The following SLCO3A1 variants were observed in gnomAD, a reference collection of about 807,000 sequenced individuals.
SLCO3A1 encodes the protein solute carrier organic anion transporter family member 3A1, also known as PGE1 transporter.
SLCO3A1 carries 27 observed loss-of-function variants against 63.1 expected under a neutral mutation model. The ratio of observed to expected loss-of-function variants is 0.43; its 90% CI spans 0.32 to 0.59. The LOEUF (loss-of-function observed/expected upper bound fraction) is 0.59. SLCO3A1 is among the 20% of genes least tolerant of loss of function. The pLI is 0.09. For missense variants in SLCO3A1, 773 were observed against 945.8 expected (o/e 0.82, Z 2.40); for synonymous variants, 473 against 409.9 (o/e 1.15, Z -1.86).
intron 2 of SLCO3A1, among the ~76,000 whole-genome samples, chr15:91,924,729 T>C (rs941743681): frequency 1.3e-5 from 2 of 152,186 alleles, no homozygotes; most frequent in African/African-American, 4.8e-5. Context: ...ACTGACACCT[T>C]GCTTACTGCC....
At chr15:92,157,205 A>G (rs1259604041) in intron 9 of SLCO3A1, 1 of 152,228 alleles carries the variant, frequency 6.6e-6, no homozygotes, top group African/African-American at 2.4e-5. Context: ...GAACCCTATT[A>G]ACACCTGCTT....
intron 2 of SLCO3A1, among the ~76,000 whole-genome samples, chr15:91,962,479 C>CA (rs35274991): frequency 0.36 from 29,296 of 81,572 alleles, 4,356 homozygotes; most frequent in East Asian, 0.4. Context: ...AACTCCGTCT[C>CA]AAAAAAAAAA....
chr15:92,059,045 G>C (rs923952272), intron 2 of SLCO3A1, among the ~76,000 whole-genome samples: 6 of 152,172 alleles, frequency 3.9e-5, no homozygotes, highest in African/African-American at 7.2e-5. Flanking sequence ...GGTTGGAGCA[G>C]TATCTGTTTG....
intron 2 of SLCO3A1, among the ~76,000 whole-genome samples, chr15:92,002,716 C>T (rs571038035): frequency 3.9e-5 from 6 of 152,262 alleles, no homozygotes; most frequent in African/African-American, 1.4e-4. Flanking sequence ...GGGCAGGAGA[C>T]TCACTTTTTA....
chr15:92,167,353 A>T (rs1362094068), downstream of SLCO3A1, among the ~76,000 whole-genome samples: 1 of 152,216 alleles, frequency 6.6e-6, no homozygotes, highest in African/African-American at 2.4e-5. Context: ...GTTCCCCCTT[A>T]GGTTAGAATC....
chr15:91,932,655 C>T (rs1567192479), intron 2 of SLCO3A1, among the ~76,000 whole-genome samples: 1 of 152,308 alleles, frequency 6.6e-6, no homozygotes, highest in Admixed American at 6.5e-5. Context: ...GTTGGCCAGG[C>T]TGGTCTCAAA....
chr15:92,102,073 C>G (rs1353341435), intron 3 of SLCO3A1, among the ~76,000 whole-genome samples: 1 of 152,140 alleles, frequency 6.6e-6, no homozygotes, highest in African/African-American at 2.4e-5. Flanking sequence ...TAGGATTTCT[C>G]TCTCTTTACC....
At position 91,916,329 on chromosome 15, in the gene SLCO3A1, A is replaced by G; in HGVS notation, c.517A>G (p.Thr173Ala). The G allele has an allele frequency of 1.9e-6, 3 of 1,603,782 alleles. No individual in the cohort carries two copies. The highest frequency in any genetic ancestry group is 2.6e-6 in the Non-Finnish European group (3 of 1,175,478). The change falls in exon 2 of 10, where the codon ACC becomes GCC. Residue 173 changes from threonine (T) to alanine (A), a missense_variant. By Grantham distance (58) the Thr-to-Ala change is moderately conservative. Around this residue, in one of 3 missense-constraint regions of SLCO3A1, gnomAD observed 565 missense variants for 749.8 expected, o/e 0.75. Transcript: ENST00000318445. The surrounding 1 kb of genome is among the most constrained non-coding windows in gnomAD (Gnocchi z 6.2). ...PDLICRNRTA[T>A]NMMYLLLIGA... ...CCTCATCTGCCGCAACCGGACGGCT[A>G]CCAACATGATGTACTTGCTGCTCAT...
intron 2 of SLCO3A1, among the ~76,000 whole-genome samples, chr15:92,085,966 G>A (rs765862053): frequency 6.6e-6 from 1 of 152,228 alleles, no homozygotes; most frequent in Non-Finnish European, 1.5e-5. Flanking sequence ...TAGATGATCT[G>A]TTTTCTTTGC....
chr15:92,049,493 A>C (rs1290758490), intron 2 of SLCO3A1, among the ~76,000 whole-genome samples: 1 of 152,146 alleles, frequency 6.6e-6, no homozygotes, highest in Non-Finnish European at 1.5e-5. Context: ...AACGGAGGCC[A>C]ATTCTGCCCA....
At chr15:91,920,674 G>GT (rs917189112) in intron 2 of SLCO3A1, among the ~76,000 whole-genome samples, 5 of 152,148 alleles carry the variant, frequency 3.3e-5, no homozygotes, top group Non-Finnish European at 7.4e-5. Context: ...CATTCATTCT[G>GT]TTTTTTGAAC....
At chr15:92,147,613 C>A (rs541930930) in intron 8 of SLCO3A1, among the ~76,000 whole-genome samples, 2 of 152,222 alleles carry the variant, frequency 1.3e-5, no homozygotes, top group East Asian at 1.9e-4. Flanking sequence ...GGAGCAGGAC[C>A]CACTGAGACC....
intron 2 of SLCO3A1, among the ~76,000 whole-genome samples, chr15:92,034,350 T>C (rs997388686): frequency 5.0e-5 from 5 of 100,378 alleles, no homozygotes; most frequent in Non-Finnish European, 7.5e-5. Context: ...GAGAGCAGGC[T>C]GGGGTGGGGT....
rs1385333281 is a variant in SLCO3A1 at position 91,948,014 on chromosome 15, G to T, written c.646+31556G>T. ...GAATTGTTTATCCTCCCAACTAGGTGTTCCAGCAGGGCCGTGGGAGCAGAA... is the reference window on the plus strand; with the variant it reads ...GAATTGTTTATCCTCCCAACTAGGTTTTCCAGCAGGGCCGTGGGAGCAGAA... On this transcript the variant is annotated intron_variant, in intron 2 of 9. Coordinates refer to ENST00000318445, the MANE Select transcript of SLCO3A1 (RefSeq NM_013272.4). The surrounding 1 kb of genome is among the most constrained non-coding windows in gnomAD (Gnocchi z 4.8). Among the ~76,000 whole-genome samples the T allele has an allele frequency of 1.7e-4, 26 of 152,182 alleles. No homozygotes were observed.
At chr15:92,066,253 G>A (rs2047149717) in intron 2 of SLCO3A1, among the ~76,000 whole-genome samples, 1 of 152,234 alleles carries the variant, frequency 6.6e-6, no homozygotes. Flanking sequence ...CTCATAGGAT[G>A]CCCTCAGGCT....
intron 2 of SLCO3A1, among the ~76,000 whole-genome samples, chr15:92,013,513 G>A (rs563051469): frequency 6.6e-6 from 1 of 152,134 alleles, no homozygotes; most frequent in African/African-American, 2.4e-5. Flanking sequence ...TGATGTGCCC[G>A]AGGAGCACAG....
At chr15:92,067,069 G>A (rs1022405087) in intron 2 of SLCO3A1, among the ~76,000 whole-genome samples, 5 of 152,312 alleles carry the variant, frequency 3.3e-5, no homozygotes, top group African/African-American at 1.2e-4. Flanking sequence ...GTCAGCTAGA[G>A]CTTAAATAGG....
chr15:91,853,885 G>A lies in SLCO3A1; in HGVS notation c.-24G>A, dbSNP rs2088282015. The stretch of plus-strand genomic sequence containing the variant: ...CGAGCGGGAAAGCGGCAGCGGCGGC[G>A]GCGGCGGCGGCGGCGGGGGAAGGAT... On this transcript the variant is annotated 5_prime_UTR_variant, in exon 1 of 10. Coordinates refer to ENST00000318445, the MANE Select transcript of SLCO3A1 (RefSeq NM_013272.4). 12 of 1,320,922 alleles carry A rather than the reference G, an allele frequency of 9.1e-6. No homozygotes were observed. In the East Asian group the frequency reaches 3.1e-4, roughly 34 times the overall value. 81.8% of individuals were successfully genotyped at this position (1,320,922 alleles called of 1,614,324 possible). A position where few individuals can be genotyped will look rare whatever the true frequency, so the allele number is the denominator to read the frequency against.
intron 2 of SLCO3A1, among the ~76,000 whole-genome samples, chr15:92,081,287 A>T (rs2047342522): frequency 6.6e-6 from 1 of 151,174 alleles, no homozygotes; most frequent in South Asian, 2.1e-4. Context: ...TACCTCCCAA[A>T]TGCATTTTGG....
Sources: allele counts gnomAD v4.1 joint callset (sites outside exome capture counted in the v4.1 genomes callset), GRCh38; gene constraint gnomAD v4.1.1; regional missense constraint gnomAD v4.1.1; non-coding constraint Gnocchi (gnomAD v3.1); transcripts MANE v1.5; gene names NCBI Gene and HGNC (gene_info 2026-07-23, HGNC 2026-07-21).